EBF1: variants seen among roughly 807,000 people sequenced by gnomAD.
EBF1 encodes the protein EBF transcription factor 1, also known as transcription factor COE1.
EBF1 carries 10 observed loss-of-function variants against 68.4 expected under a neutral mutation model. The ratio of observed to expected loss-of-function variants is 0.15; its 90% confidence interval spans 0.09 to 0.25. EBF1 has a LOEUF of 0.25. Ranked by LOEUF, EBF1 falls within the 10% of genes least tolerant of loss-of-function variation. The probability of loss-of-function intolerance (pLI) is 1.00; values close to 1 mark genes in which losing one functional copy is unlikely to be tolerated. For synonymous variants in EBF1, 298 were observed against 299.8 expected (o/e 0.99, Z 0.06); for missense variants, 509 against 794.4 (o/e 0.64, Z 4.32).
intron 5 of EBF1, among the ~76,000 whole-genome samples, chr5:159,082,806 C>T (rs941077373): frequency 6.6e-6 from 1 of 152,124 alleles, no homozygotes; most frequent in South Asian, 2.1e-4. Context: ...CTCTTAGCCA[C>T]GCAGTACAAA....
intron 6 of EBF1, among the ~76,000 whole-genome samples, chr5:158,855,179 C>T (rs1055726410): frequency 3.3e-5 from 5 of 152,210 alleles, no homozygotes; most frequent in Admixed American, 6.5e-5. Flanking sequence ...GTATCAAAAA[C>T]AGGTATTCAA....
intron 6 of EBF1, among the ~76,000 whole-genome samples, chr5:158,974,103 C>T (rs1368546528): frequency 6.6e-6 from 1 of 152,320 alleles, no homozygotes; most frequent in East Asian, 1.9e-4. Flanking sequence ...AGCTCATCCT[C>T]TTAATATCTC....
Position 158,697,595 on chromosome 5 carries a change from A to AAAAC in EBF1, c.*1512_*1515dup, listed in dbSNP as rs1336341929. On this transcript the variant is annotated 3_prime_UTR_variant, in exon 16 of 16. Transcript: ENST00000313708. The stretch of plus-strand genomic sequence containing the variant: ...ATGGATATTTTACAAAATCCCCTTT[A>AAAAC]AAACAAAAAGCCTTTTAATTAACTT... 5 of 205,370 alleles carry AAAAC rather than the reference A, an allele frequency of 2.4e-5. No homozygotes were observed. The highest frequency in any genetic ancestry group is 3.0e-5 in the Non-Finnish European group (3 of 100,320). The allele number at this position is 205,370 out of a possible 1,614,324, so 12.7% of individuals were successfully genotyped here. A position where few individuals can be genotyped will look rare whatever the true frequency, so the allele number is the denominator to read the frequency against.
chr5:158,847,954 C>T lies in EBF1; in HGVS notation c.555-7844G>A, dbSNP rs148501168. Among the ~76,000 whole-genome samples the T allele has an allele frequency of 3.1e-3, 468 of 152,248 alleles. 3 individuals are homozygous for T. Among genetic ancestry groups the T allele is most frequent in the African/African-American group, 0.01 (432 of 41,540 alleles). Reference sequence around the variant, plus strand: ...AAAAGGATGCACAGGCAGGTGGCAACTTTGCTTCAGTAACAGCGACCCACC... The same window carrying T: ...AAAAGGATGCACAGGCAGGTGGCAATTTTGCTTCAGTAACAGCGACCCACC... On this transcript the variant is annotated intron_variant, in intron 6 of 15. Transcript: ENST00000313708.
At position 158,696,481 on chromosome 5, in the gene EBF1, C is replaced by A. The variant is rs1397925290; in HGVS notation, c.*2630G>T. On this transcript the variant is annotated 3_prime_UTR_variant, in exon 16 of 16. Coordinates refer to ENST00000313708, the MANE Select transcript of EBF1 (RefSeq NM_024007.5). ...CTAAGCCGGACACCTTCCCGGCTGA[C>A]CGTTCATTCCTTCAGAAACAGTTAA... The A allele has an allele frequency of 2.7e-5, 6 of 223,616 alleles. No individual in the cohort carries two copies. Among genetic ancestry groups the A allele is most frequent in the Non-Finnish European group, 5.4e-5 (6 of 112,064 alleles). 13.9% of individuals were successfully genotyped at this position (223,616 alleles called of 1,614,324 possible).
chr5:158,952,941 T>TTTTTAGA (rs1816339037), intron 6 of EBF1, among the ~76,000 whole-genome samples: 1 of 152,230 alleles, frequency 6.6e-6, no homozygotes. Context: ...AAGTACCTTT[T>TTTTTAGA]TTTTAGATAT....
intron 6 of EBF1, among the ~76,000 whole-genome samples, chr5:158,909,691 C>T (rs1351503271): frequency 6.6e-6 from 1 of 152,082 alleles, no homozygotes; most frequent in Non-Finnish European, 1.5e-5. Context: ...GTAATCCCAG[C>T]ACTTTGGGAG....
At chr5:158,736,773 C>T (rs1765274382) in intron 10 of EBF1, among the ~76,000 whole-genome samples, 1 of 152,092 alleles carries the variant, frequency 6.6e-6, no homozygotes, top group African/African-American at 2.4e-5. Flanking sequence ...CCCATTTTTC[C>T]CTCAGTCACT....
intron 6 of EBF1, among the ~76,000 whole-genome samples, chr5:158,858,830 G>A (rs546026219): frequency 2.0e-5 from 3 of 152,332 alleles, no homozygotes; most frequent in South Asian, 2.1e-4. Flanking sequence ...ATCTTTTGGT[G>A]TGGAAGTAGT....
At chr5:159,087,277 CAT>C (rs201855021) in intron 4 of EBF1, among the ~76,000 whole-genome samples, 2 of 137,142 alleles carry the variant, frequency 1.5e-5, no homozygotes, top group Admixed American at 1.4e-4. Flanking sequence ...TACACACACA[CAT>C]ATATATATAT....
At chr5:159,070,326 T>A (rs560733387) in intron 6 of EBF1, among the ~76,000 whole-genome samples, 1 of 152,178 alleles carries the variant, frequency 6.6e-6, no homozygotes, top group Non-Finnish European at 1.5e-5. Context: ...CAAATTGTCA[T>A]GATTGTAAAA....
chr5:158,731,356 G>T (rs921012466), intron 10 of EBF1, among the ~76,000 whole-genome samples, 199 bp from the exon 11 acceptor site: 1 of 152,046 alleles, frequency 6.6e-6, no homozygotes, highest in South Asian at 2.1e-4. Flanking sequence ...GGAGTGACCC[G>T]CCCAAAAGAA....
chr5:158,696,623 A>C lies in EBF1; in HGVS notation c.*2488T>G. On this transcript the variant is annotated 3_prime_UTR_variant, in exon 16 of 16. Transcript: ENST00000313708. ...GAAGCAATGCGTCCACCTTGCTTAC[A>C]TTTTCCAGTTTTTTTTATTATTATT... The C allele has an allele frequency of 4.6e-6, 1 of 217,642 alleles. No homozygotes were observed. Among genetic ancestry groups the C allele is most frequent in the Non-Finnish European group, 9.2e-6 (1 of 108,200 alleles). 13.5% of individuals were successfully genotyped at this position (217,642 alleles called of 1,614,324 possible). A position where few individuals can be genotyped will look rare whatever the true frequency, so the allele number is the denominator to read the frequency against.
intron 6 of EBF1, among the ~76,000 whole-genome samples, chr5:158,842,103 C>A (rs1790447777): frequency 6.6e-6 from 1 of 152,212 alleles, no homozygotes; most frequent in South Asian, 2.1e-4. Flanking sequence ...TGTCCTTGCA[C>A]AGGACAATCA....
At chr5:158,828,280 G>A (rs1171621460) in intron 7 of EBF1, among the ~76,000 whole-genome samples, 1 of 152,174 alleles carries the variant, frequency 6.6e-6, no homozygotes, top group Admixed American at 6.5e-5. Context: ...GGGCTGAATT[G>A]TTCCTCCCCC....
chr5:158,973,844 C>T (rs1381746082), intron 6 of EBF1, among the ~76,000 whole-genome samples: 2 of 152,164 alleles, frequency 1.3e-5, no homozygotes, highest in Non-Finnish European at 2.9e-5. Context: ...TGGTCATTGT[C>T]ATTGTTGTTA....
intron 6 of EBF1, among the ~76,000 whole-genome samples, chr5:158,924,283 C>T (rs568234755): frequency 6.6e-6 from 1 of 152,338 alleles, no homozygotes; most frequent in South Asian, 2.1e-4. Flanking sequence ...ATGCCAGATG[C>T]TGCAGAGTGG....
intron 10 of EBF1, among the ~76,000 whole-genome samples, chr5:158,731,725 A>G (rs1764132380): frequency 6.6e-6 from 1 of 152,190 alleles, no homozygotes; most frequent in Non-Finnish European, 1.5e-5. Context: ...ATGGGTATTG[A>G]AAATGCCCTG....
chr5:159,046,083 C>G (rs1172567036), intron 6 of EBF1, among the ~76,000 whole-genome samples: 3 of 152,186 alleles, frequency 2.0e-5, no homozygotes, highest in African/African-American at 7.2e-5. Flanking sequence ...TTCCCTACAG[C>G]TCTCCGTATA....
Sources: gnomAD v4.1 joint callset for allele counts (sites outside exome capture counted in the v4.1 genomes callset) on GRCh38, gnomAD v4.1.1 for gene constraint, MANE v1.5 for transcripts, NCBI Gene and HGNC (gene_info 2026-07-23, HGNC 2026-07-21) for gene names.